TTLL5: variants seen among roughly 807,000 people sequenced by gnomAD.
TTLL5 encodes the protein tubulin polyglutamylase TTLL5.
TTLL5 carries 132 observed loss-of-function variants against 168.4 expected under a neutral mutation model. The ratio of observed to expected loss-of-function variants is 0.78; its 90% CI spans 0.68 to 0.91. The LOEUF (loss-of-function observed/expected upper bound fraction) is 0.91, where lower values mean the gene tolerates loss of function less well. Ranked by LOEUF, TTLL5 falls within the 40% of genes least tolerant of loss-of-function variation. The probability of loss-of-function intolerance (pLI) is 0.00; values close to 1 mark genes in which losing one functional copy is unlikely to be tolerated. For synonymous variants in TTLL5, 546 were observed against 558.6 expected (o/e 0.98, Z 0.32); for missense variants, 1,545 against 1,581.5 (o/e 0.98, Z 0.39).
chr14:75,808,006 C>T (rs1893756174), intron 27 of TTLL5, among the ~76,000 whole-genome samples: 1 of 152,160 alleles, frequency 6.6e-6, no homozygotes, highest in African/African-American at 2.4e-5. Flanking sequence ...ACTGATTCTT[C>T]GACCAGACAA....
rs962155025 is a variant in TTLL5 at position 75,669,465 on chromosome 14, T to C, written c.124T>C (p.Leu42=). The change falls in exon 3 of 32, where the codon TTG becomes CTG. Residue 42 remains leucine (L), a synonymous_variant. Coordinates refer to ENST00000298832, the MANE Select transcript of TTLL5 (RefSeq NM_015072.5). ...WTGGCRRIPV[L]VFHADAILTK... ...TGGAGGCTGCAGGAGAATTCCAGTT[T>C]TGGTATTCCATGCCGACGCTATTCT... The C allele has an allele frequency of 1.9e-6, 3 of 1,614,170 alleles. No homozygotes were observed. Among genetic ancestry groups the C allele is most frequent in the Non-Finnish European group, 1.7e-6 (2 of 1,179,990 alleles).
intron 3 of TTLL5, among the ~76,000 whole-genome samples, chr14:75,680,827 A>G (rs1884552399): frequency 6.6e-6 from 1 of 152,026 alleles, no homozygotes; most frequent in East Asian, 1.9e-4. Flanking sequence ...GGGTTTCACA[A>G]TGTTGGCCAG....
At chr14:75,667,880 C>T (rs960873006) in intron 2 of TTLL5, among the ~76,000 whole-genome samples, 1 of 150,788 alleles carries the variant, frequency 6.6e-6, no homozygotes, top group African/African-American at 2.4e-5. Flanking sequence ...TCTGCCTCAG[C>T]CTCCCGAGTA....
intron 31 of TTLL5, among the ~76,000 whole-genome samples, chr14:75,927,392 C>T (rs986418559): frequency 1.3e-5 from 2 of 152,052 alleles, no homozygotes; most frequent in Non-Finnish European, 2.9e-5. Context: ...ACAATAAAAA[C>T]CACCGAACTG....
chr14:75,684,049 C>T (rs989201452), intron 5 of TTLL5: 3 of 205,322 alleles, frequency 1.5e-5, no homozygotes, highest in South Asian at 8.1e-5. Flanking sequence ...GCTGGGATTA[C>T]AGACATGAGC....
chr14:75,871,718 T>C (rs900488260), intron 29 of TTLL5, among the ~76,000 whole-genome samples: 26 of 152,236 alleles, frequency 1.7e-4, no homozygotes, highest in African/African-American at 6.0e-4. Flanking sequence ...CTCCCAGCAG[T>C]AACTTTGTGT....
intron 1 of TTLL5, among the ~76,000 whole-genome samples, chr14:75,662,796 A>C (rs1335307201): frequency 6.6e-6 from 1 of 152,234 alleles, no homozygotes; most frequent in Non-Finnish European, 1.5e-5. Context: ...TTAGTAAATA[A>C]TGAGAAACTC....
chr14:75,790,688 C>T (rs1892646854), intron 26 of TTLL5, among the ~76,000 whole-genome samples: 1 of 151,764 alleles, frequency 6.6e-6, no homozygotes, highest in Non-Finnish European at 1.5e-5. Context: ...TGGTCTCGAA[C>T]TTCTGTGCTA....
At chr14:75,753,833 A>C (rs1308582656) in intron 18 of TTLL5, among the ~76,000 whole-genome samples, 1 of 152,094 alleles carries the variant, frequency 6.6e-6, no homozygotes, top group Non-Finnish European at 1.5e-5. Flanking sequence ...AACTTTTACA[A>C]GGTTTCTTTT....
intron 18 of TTLL5, among the ~76,000 whole-genome samples, chr14:75,753,275 G>C (rs577960085): frequency 1.2e-3 from 184 of 152,252 alleles, no homozygotes; most frequent in Non-Finnish European, 2.1e-3. Flanking sequence ...TAATAGACAC[G>C]ATTATCTGTT....
At chr14:75,928,931 C>A (rs1388503816) in intron 31 of TTLL5, among the ~76,000 whole-genome samples, 1 of 152,170 alleles carries the variant, frequency 6.6e-6, no homozygotes, top group Non-Finnish European at 1.5e-5. Flanking sequence ...AGGAATTATC[C>A]TCGGCATAAA....
intron 31 of TTLL5, among the ~76,000 whole-genome samples, chr14:75,939,588 T>C (rs2034536558): frequency 6.6e-6 from 1 of 152,158 alleles, no homozygotes; most frequent in Non-Finnish European, 1.5e-5. Context: ...TGAGTTTCTC[T>C]ATGTTGCCCA....
Position 75,904,202 on chromosome 14 carries a change from C to CAAAA in TTLL5, c.3823+1989_3823+1992dup, listed in dbSNP as rs562877528. On this transcript the variant is annotated intron_variant, in intron 31 of 31. Coordinates refer to ENST00000298832, the MANE Select transcript of TTLL5 (RefSeq NM_015072.5). ...TGGGTATCTATTCACCTCACTCCTCCAAAAAAAAAAAAAAGGAAAGAAAAA... is the reference window on the plus strand; with the variant it reads ...TGGGTATCTATTCACCTCACTCCTCCAAAAAAAAAAAAAAAAAAGGAAAGAAAAA... The CAAAA allele has an allele frequency of 1.1e-3, 1,064 of 987,116 alleles. 7 individuals are homozygous for CAAAA. The African/African-American group carries it at 0.018, about 16-fold the overall frequency. The allele number at this position is 987,116 out of a possible 1,614,324, so 61.1% of individuals were successfully genotyped here.
At chr14:75,677,916 G>A (rs1203501419) in intron 3 of TTLL5, among the ~76,000 whole-genome samples, 1 of 151,904 alleles carries the variant, frequency 6.6e-6, no homozygotes, top group African/African-American at 2.4e-5. Context: ...ACAGGCATGA[G>A]CCACCATGCC....
intron 28 of TTLL5, among the ~76,000 whole-genome samples, chr14:75,854,318 G>A (rs1162775885): frequency 6.6e-6 from 1 of 152,046 alleles, no homozygotes; most frequent in African/African-American, 2.4e-5. Flanking sequence ...ATTCAATACA[G>A]TGTTTTTGAG....
chr14:75,744,930 T>G (rs1392288324), intron 15 of TTLL5, among the ~76,000 whole-genome samples, 165 bp from the exon 16 acceptor site: 1 of 152,228 alleles, frequency 6.6e-6, no homozygotes, highest in East Asian at 1.9e-4. Context: ...AGCTTTCGTC[T>G]GTTTTCCAGG....
chr14:75,810,707 A>G (rs891066241), intron 27 of TTLL5, among the ~76,000 whole-genome samples: 3 of 152,182 alleles, frequency 2.0e-5, no homozygotes, highest in Admixed American at 1.3e-4. Context: ...ATTTCGATAA[A>G]TAAGATGCAT....
At chr14:75,915,298 C>T (rs570763726) in intron 31 of TTLL5, among the ~76,000 whole-genome samples, 1 of 152,316 alleles carries the variant, frequency 6.6e-6, no homozygotes, top group Middle Eastern at 3.4e-3. Flanking sequence ...TAAAATTTAT[C>T]ATCATGGTTC....
At chr14:75,880,260 A>ACT (rs1167199335) in intron 29 of TTLL5, among the ~76,000 whole-genome samples, 4 of 152,082 alleles carry the variant, frequency 2.6e-5, no homozygotes, top group Non-Finnish European at 5.9e-5. Context: ...TGCTGTTTTC[A>ACT]CTCATTATTT....
Sources: gnomAD v4.1 joint callset for allele counts (sites outside exome capture counted in the v4.1 genomes callset) on GRCh38, gnomAD v4.1.1 for gene constraint, MANE v1.5 for transcripts, NCBI Gene and HGNC (gene_info 2026-07-23, HGNC 2026-07-21) for gene names.